GRIN2B: variants seen among roughly 807,000 people sequenced by gnomAD.
The protein encoded by GRIN2B is glutamate receptor ionotropic, NMDA 2B.
In GRIN2B, 5 loss-of-function variants were observed where a neutral mutation model predicts 114.5. The ratio of observed to expected loss-of-function variants is 0.04; its 90% CI spans 0.02 to 0.09. The LOEUF (loss-of-function observed/expected upper bound fraction) is 0.09. GRIN2B is among the 10% of genes least tolerant of loss of function. The pLI, the probability that GRIN2B is intolerant of heterozygous loss-of-function variation, is 1.00. For missense variants in GRIN2B, 1,108 were observed against 1,943.5 expected (o/e 0.57, Z 8.08); for synonymous variants, 787 against 745.1 (o/e 1.06, Z -0.92).
intron 3 of GRIN2B, among the ~76,000 whole-genome samples, chr12:13,853,840 C>T (rs931739330): frequency 6.6e-6 from 1 of 152,114 alleles, no homozygotes; most frequent in African/African-American, 2.4e-5. Flanking sequence ...TTTGCTGCCC[C>T]GAAATAATTA....
At chr12:13,829,244 A>C (rs1356010316) in intron 3 of GRIN2B, among the ~76,000 whole-genome samples, 1 of 152,198 alleles carries the variant, frequency 6.6e-6, no homozygotes, top group Non-Finnish European at 1.5e-5. Flanking sequence ...ACTGTCTAAA[A>C]TAATTGTTTA....
At chr12:13,919,495 G>C (rs1866788354) in intron 2 of GRIN2B, among the ~76,000 whole-genome samples, 1 of 152,142 alleles carries the variant, frequency 6.6e-6, no homozygotes, top group Non-Finnish European at 1.5e-5. Flanking sequence ...TCTAGAAATA[G>C]TGGCCTGTAT....
intron 3 of GRIN2B, among the ~76,000 whole-genome samples, chr12:13,857,876 C>T (rs540705490): frequency 1.3e-5 from 2 of 152,258 alleles, no homozygotes; most frequent in African/African-American, 4.8e-5. Flanking sequence ...CTTCTTCTTC[C>T]TTCGTTAAGT....
At chr12:13,868,857 C>T (rs938313193) in intron 2 of GRIN2B, among the ~76,000 whole-genome samples, 1 of 152,194 alleles carries the variant, frequency 6.6e-6, no homozygotes, top group Non-Finnish European at 1.5e-5. Context: ...TGGGAGATAA[C>T]AGTAGCAGAG....
intron 5 of GRIN2B, among the ~76,000 whole-genome samples, chr12:13,641,160 C>T (rs36010230): frequency 0.076 from 11,538 of 152,104 alleles, 460 homozygotes; most frequent in Non-Finnish European, 0.09. Flanking sequence ...CAACCTCCAT[C>T]TCCTGGGTTC....
rs1356222326 is a variant in GRIN2B, at chr12:13,615,553, C to T, written c.1440G>A (p.Leu480=). Residue 480 remains leucine (L), a synonymous_variant, in exon 7 of 14, where the codon CTG becomes CTA. Transcript: ENST00000609686. The surrounding 1 kb of genome is among the most constrained non-coding windows in gnomAD (Gnocchi z 5.8). The part of the protein sequence containing the change: ...KSVKFTYDLY[L]VTNGKHGKKI... ...TCTTCCCATGCTTGCCATTGGTAAC[C>T]AGGTAAAGGTCATAGGTGAACTTCA... 3 of 1,613,086 alleles carry T rather than the reference C, an allele frequency of 1.9e-6. No homozygotes were observed. Among genetic ancestry groups the T allele is most frequent in the African/African-American group, 1.3e-5 (1 of 74,872 alleles).
Position 13,753,137 on chromosome 12 carries a change from GT to G in GRIN2B, c.1010+179del. Among the ~76,000 whole-genome samples the G allele has an allele frequency of 6.6e-6, 1 of 152,178 alleles. No homozygotes were observed. The highest frequency in any genetic ancestry group is 1.5e-5 in the Non-Finnish European group (1 of 68,024). On this transcript the variant is annotated intron_variant, in intron 4 of 13. Transcript: ENST00000609686. The surrounding 1 kb of genome is among the most constrained non-coding windows in gnomAD (Gnocchi z 6.2). ...AATAAGTGCTCAATAAATGAAAGTT[GT>G]TTTGGCAAGGTTGGATCCAAAACAC...
intron 5 of GRIN2B, among the ~76,000 whole-genome samples, chr12:13,665,553 C>T (rs554396636): frequency 3.3e-5 from 5 of 152,220 alleles, no homozygotes; most frequent in South Asian, 2.1e-4. Flanking sequence ...ACACTGGACA[C>T]AAACGGAGCT....
In GRIN2B at chr12:13,556,023, A is replaced by C. The variant is rs1948475369; in HGVS notation, c.*6760T>G. 6.6e-6 allele frequency: 1 copy of C among 152,188 alleles called. No individual in the cohort carries two copies. Among genetic ancestry groups the C allele is most frequent in the Non-Finnish European group, 1.5e-5 (1 of 68,040 alleles). The allele number at this position is 152,188 out of a possible 1,614,324, so 9.4% of individuals were successfully genotyped here. ...GAGAATATTGCTAATGTGGGTAAAT[A>C]CAGGGTTAGACCAAAGAGGGAATTC... On this transcript the variant is annotated 3_prime_UTR_variant, in exon 14 of 14. Coordinates refer to ENST00000609686, the MANE Select transcript of GRIN2B (RefSeq NM_000834.5).
chr12:13,871,415 G>T (rs769085878), intron 2 of GRIN2B, among the ~76,000 whole-genome samples: 1 of 150,448 alleles, frequency 6.6e-6, no homozygotes, highest in Non-Finnish European at 1.5e-5. Flanking sequence ...TAACTATAAG[G>T]TTAAAAAGGA....
chr12:13,886,735 A>G (rs1326797996), intron 2 of GRIN2B, among the ~76,000 whole-genome samples: 1 of 152,110 alleles, frequency 6.6e-6, no homozygotes, highest in East Asian at 1.9e-4. Flanking sequence ...CTTCCTCTAT[A>G]ATAAACCTCC....
At chr12:13,831,957 T>C (rs1294499441) in intron 3 of GRIN2B, among the ~76,000 whole-genome samples, 2 of 152,214 alleles carry the variant, frequency 1.3e-5, no homozygotes, top group Non-Finnish European at 2.9e-5. Context: ...TGTTCCAAAA[T>C]ACAGGCTTCC....
intron 2 of GRIN2B, among the ~76,000 whole-genome samples, chr12:13,874,793 G>T (rs1865970093): frequency 6.6e-6 from 1 of 152,148 alleles, no homozygotes; most frequent in South Asian, 2.1e-4. Context: ...CACAGGAGCA[G>T]GGCAGCAGGA....
intron 4 of GRIN2B, among the ~76,000 whole-genome samples, chr12:13,747,630 CA>C (rs2136623207): frequency 6.6e-6 from 1 of 152,254 alleles, no homozygotes; most frequent in African/African-American, 2.4e-5. Context: ...GACTCTGGTG[CA>C]CTTCTTTAAT....
chr12:13,704,332 G>A (rs1176400819), intron 4 of GRIN2B, among the ~76,000 whole-genome samples: 1 of 152,040 alleles, frequency 6.6e-6, no homozygotes. Flanking sequence ...AGAAGGGCAT[G>A]GGCTGATGAA....
chr12:13,575,077 A>G (rs1948756871), intron 10 of GRIN2B, among the ~76,000 whole-genome samples: 1 of 152,246 alleles, frequency 6.6e-6, no homozygotes, highest in Non-Finnish European at 1.5e-5. Flanking sequence ...TCTAAAATGT[A>G]AATACTAGAA....
At chr12:13,681,110 C>T (rs866705146) in intron 4 of GRIN2B, among the ~76,000 whole-genome samples, 1 of 152,146 alleles carries the variant, frequency 6.6e-6, no homozygotes, top group Non-Finnish European at 1.5e-5. Flanking sequence ...GTGGGAGGCA[C>T]TCGAAGGAGC....
chr12:13,587,122 T>A (rs1014578688), intron 10 of GRIN2B, among the ~76,000 whole-genome samples: 11 of 152,160 alleles, frequency 7.2e-5, no homozygotes, highest in Admixed American at 2.0e-4. Flanking sequence ...ATACAACATA[T>A]AAATTCTATT....
intron 5 of GRIN2B, among the ~76,000 whole-genome samples, chr12:13,641,206 G>A (rs1949712054): frequency 6.6e-6 from 1 of 151,836 alleles, no homozygotes; most frequent in African/African-American, 2.4e-5. Flanking sequence ...TAAGTAGCTG[G>A]GATTACAGGT....
Sources: gnomAD v4.1 joint callset for allele counts (sites outside exome capture counted in the v4.1 genomes callset) on GRCh38, gnomAD v4.1.1 for gene constraint, Gnocchi (gnomAD v3.1) non-coding constraint, MANE v1.5 for transcripts, NCBI Gene and HGNC (gene_info 2026-07-23, HGNC 2026-07-21) for gene names.